Variants in KIRREL3 observed in about 807,000 individuals in gnomAD.
KIRREL3 encodes kirre like nephrin family adhesion molecule 3.
Under a neutral mutation model 89.7 loss-of-function variants are expected in KIRREL3, and 36 were observed. That is an observed-to-expected ratio of 0.40 (90% CI 0.31 to 0.53). The LOEUF is 0.53. Among genes scored for constraint, KIRREL3 ranks in the 20% least tolerant of loss-of-function variants. The pLI, the probability that KIRREL3 is intolerant of heterozygous loss-of-function variation, is 0.49. For synonymous variants in KIRREL3, 445 were observed against 441.4 expected (o/e 1.01, Z -0.10); for missense variants, 864 against 1,056.6 (o/e 0.82, Z 2.53).
In KIRREL3 at chr11:126,766,074, C is replaced by T. The variant is rs1949814599; in HGVS notation, c.56-203162G>A. On this transcript the variant is annotated intron_variant, in intron 1 of 16. Coordinates refer to ENST00000525144, the MANE Select transcript of KIRREL3 (RefSeq NM_032531.4). This position sits in a 1 kb window ranked among gnomAD's most constrained non-coding sequence, Gnocchi z 4.2. ...TTTACTTCCAAATTCCCATAACTCA[C>T]TGCTTTTGCCAGCCCTCCTGGGATG... is the stretch of plus-strand genomic sequence containing the variant. Among the ~76,000 whole-genome samples the T allele has an allele frequency of 6.6e-6, 1 of 151,834 alleles. No individual in the cohort carries two copies. Among genetic ancestry groups the T allele is most frequent in the South Asian group, 2.1e-4 (1 of 4,798 alleles).
At chr11:126,850,240 C>G (rs986643060) in intron 1 of KIRREL3, among the ~76,000 whole-genome samples, 2 of 152,198 alleles carry the variant, frequency 1.3e-5, no homozygotes, top group African/African-American at 4.8e-5. Context: ...ACCATGACCA[C>G]CCTATCAGAT....
intron 1 of KIRREL3, among the ~76,000 whole-genome samples, chr11:126,577,004 A>G (rs188498760): frequency 3.9e-5 from 6 of 152,318 alleles, no homozygotes; most frequent in Non-Finnish European, 7.3e-5. Context: ...AAGGGCTCCC[A>G]TAACTGAAGA....
rs1164945181 is a variant in KIRREL3 at position 126,977,017 on chromosome 11, A to G, written c.55+23438T>C. On this transcript the variant is annotated intron_variant, in intron 1 of 16. Coordinates refer to ENST00000525144, the MANE Select transcript of KIRREL3 (RefSeq NM_032531.4). This position sits in a 1 kb window ranked among gnomAD's most constrained non-coding sequence, Gnocchi z 4.7. ...AGAGAGTTAAGAAGAAGTTCTCTGT[A>G]ACTGATAAACATCATGCTGCATTTC... is the stretch of plus-strand genomic sequence containing the variant. Among the ~76,000 whole-genome samples the G allele has an allele frequency of 2.0e-5, 3 of 152,230 alleles. No individual in the cohort carries two copies. Among genetic ancestry groups the G allele is most frequent in the Admixed American group, 6.5e-5 (1 of 15,288 alleles).
intron 1 of KIRREL3, among the ~76,000 whole-genome samples, chr11:126,784,588 A>G (rs116442911): frequency 0.035 from 5,360 of 151,284 alleles, 262 homozygotes; most frequent in African/African-American, 0.12. Context: ...CTCTATCACC[A>G]TTTTACTTAG....
At position 126,981,474 on chromosome 11, in the gene KIRREL3, G is replaced by A. The variant is rs904946841; in HGVS notation, c.55+18981C>T. 6.6e-6 allele frequency among the ~76,000 whole-genome samples: 1 copy of A among 152,218 alleles called. No homozygotes were observed. The highest frequency in any genetic ancestry group is 1.5e-5 in the Non-Finnish European group (1 of 68,032). On this transcript the variant is annotated intron_variant, in intron 1 of 16. Coordinates refer to ENST00000525144, the MANE Select transcript of KIRREL3 (RefSeq NM_032531.4). The surrounding 1 kb of genome is among the most constrained non-coding windows in gnomAD (Gnocchi z 4.2). Reference sequence around the variant, plus strand: ...AGCTTAGGATTCCAGGCAGAAGACAGTCCAGTACCTTCCTAAGTCACTAAG... The same window carrying A: ...AGCTTAGGATTCCAGGCAGAAGACAATCCAGTACCTTCCTAAGTCACTAAG...
In KIRREL3 at chr11:126,544,110, AAG is replaced by A. The variant is rs1938594387; in HGVS notation, c.134-17425_134-17424del. 1 of 152,174 alleles carries A rather than the reference AAG, an allele frequency of 6.6e-6. No individual in the cohort carries two copies. Among genetic ancestry groups the A allele is most frequent in the Non-Finnish European group, 1.5e-5 (1 of 68,054 alleles). The allele number at this position is 152,174 out of a possible 1,614,324, so 9.4% of individuals were successfully genotyped here. A position where few individuals can be genotyped will look rare whatever the true frequency, so the allele number is the denominator to read the frequency against. On this transcript the variant is annotated intron_variant, in intron 2 of 16. Transcript: ENST00000525144. This position sits in a 1 kb window ranked among gnomAD's most constrained non-coding sequence, Gnocchi z 5.6. ...TGGAGGTGGCGACAGCTCCTCTAAT[AAG>A]AGAGTTACTCATGGCTTCACTGGAG...
Position 126,921,510 on chromosome 11 carries a change from AATCT to A in KIRREL3, c.55+78941_55+78944del, listed in dbSNP as rs753124952. Among the ~76,000 whole-genome samples, 223 of 148,076 alleles carry A rather than the reference AATCT, an allele frequency of 1.5e-3. 2 individuals are homozygous for A. The highest frequency in any genetic ancestry group is 2.6e-3 in the Non-Finnish European group (173 of 66,960). ...GTGTTCCTATCTATTATCTATCTGT[AATCT>A]ATCTATCTGTCTGTCTGTCTTTCTT... On this transcript the variant is annotated intron_variant, in intron 1 of 16. Coordinates refer to ENST00000525144, the MANE Select transcript of KIRREL3 (RefSeq NM_032531.4).
upstream of KIRREL3, among the ~76,000 whole-genome samples, chr11:127,002,582 C>T (rs776971948): frequency 5.3e-5 from 8 of 152,144 alleles, no homozygotes; most frequent in Non-Finnish European, 7.4e-5. Context: ...CTATGTATAG[C>T]GCCGTCACCT....
At chr11:126,934,361 A>G (rs571377354) in intron 1 of KIRREL3, among the ~76,000 whole-genome samples, 1 of 152,344 alleles carries the variant, frequency 6.6e-6, no homozygotes, top group Non-Finnish European at 1.5e-5. Flanking sequence ...CAAAAATTTT[A>G]AAAGAAAATA....
At chr11:126,806,259 A>G (rs1394617453) in intron 1 of KIRREL3, among the ~76,000 whole-genome samples, 2 of 152,196 alleles carry the variant, frequency 1.3e-5, no homozygotes, top group African/African-American at 4.8e-5. Context: ...CACAACAACA[A>G]TATGACTACT....
rs535917272 is a variant in KIRREL3, at chr11:126,500,636, A to T, written c.433+20679T>A. 4.0e-5 allele frequency among the ~76,000 whole-genome samples: 6 copies of T among 151,406 alleles called. No homozygotes were observed. In the South Asian group the frequency reaches 1.3e-3, roughly 32 times the overall value. On this transcript the variant is annotated intron_variant, in intron 4 of 16. Transcript: ENST00000525144. Reference sequence around the variant, plus strand: ...GCACCTGTAATCCCAGCTACTTGGGAGGCTGAGGTAAGATAATTGCTTGAA... The same window carrying T: ...GCACCTGTAATCCCAGCTACTTGGGTGGCTGAGGTAAGATAATTGCTTGAA...
chr11:126,813,464 A>T (rs10736555), intron 1 of KIRREL3, among the ~76,000 whole-genome samples: 5 of 152,038 alleles, frequency 3.3e-5, no homozygotes, highest in South Asian at 4.2e-4. Flanking sequence ...TTGGTTAAAA[A>T]GTTATAAATA....
rs1423340355 is a variant in KIRREL3, at chr11:126,877,927, G to T, written c.55+122528C>A. Among the ~76,000 whole-genome samples the T allele has an allele frequency of 6.6e-6, 1 of 152,176 alleles. No individual in the cohort carries two copies. Among genetic ancestry groups the T allele is most frequent in the South Asian group, 2.1e-4 (1 of 4,826 alleles). On this transcript the variant is annotated intron_variant, in intron 1 of 16. Coordinates refer to ENST00000525144, the MANE Select transcript of KIRREL3 (RefSeq NM_032531.4). This position sits in a 1 kb window ranked among gnomAD's most constrained non-coding sequence, Gnocchi z 4.9. ...GTGTTAAGGCTGGAACTCCCCCCTA[G>T]AGACATAGTCCAAGCTTCTCACTTC...
intron 1 of KIRREL3, among the ~76,000 whole-genome samples, chr11:126,880,929 T>G (rs1383037278): frequency 6.6e-6 from 1 of 152,240 alleles, no homozygotes; most frequent in Non-Finnish European, 1.5e-5. Context: ...GATGAAGCAC[T>G]GAAGTGATGA....
At chr11:126,712,117 C>A (rs950181587) in intron 1 of KIRREL3, among the ~76,000 whole-genome samples, 8 of 152,206 alleles carry the variant, frequency 5.3e-5, no homozygotes, top group Non-Finnish European at 1.2e-4. Flanking sequence ...CAAAACAGCG[C>A]GCAGCGACTT....
At chr11:126,922,908 T>C (rs1376333108) in intron 1 of KIRREL3, among the ~76,000 whole-genome samples, 1 of 152,188 alleles carries the variant, frequency 6.6e-6, no homozygotes, top group African/African-American at 2.4e-5. Flanking sequence ...CCCAGATGGT[T>C]CTTGCCGAGG....
chr11:126,919,413 G>C (rs560354763), intron 1 of KIRREL3, among the ~76,000 whole-genome samples: 4 of 152,326 alleles, frequency 2.6e-5, no homozygotes, highest in African/African-American at 7.2e-5. Context: ...CCAAGGGCAA[G>C]TTTACGGATC....
At chr11:126,824,221 C>A (rs1240919616) in intron 1 of KIRREL3, among the ~76,000 whole-genome samples, 1 of 152,138 alleles carries the variant, frequency 6.6e-6, no homozygotes, top group Non-Finnish European at 1.5e-5. Flanking sequence ...AGGAGGGAGA[C>A]AAACAAGCAT....
rs1370097289 is a variant in KIRREL3, at chr11:126,870,516, A to T, written c.55+129939T>A. Among the ~76,000 whole-genome samples the T allele has an allele frequency of 6.6e-6, 1 of 152,186 alleles. No individual in the cohort carries two copies. Among genetic ancestry groups the T allele is most frequent in the Non-Finnish European group, 1.5e-5 (1 of 68,030 alleles). ...AAAGGCAGGTCCTTGCAAGAGGTAA[A>T]AGGCTCAGTAGAATGCAGCTTCCTG... On this transcript the variant is annotated intron_variant, in intron 1 of 16. Transcript: ENST00000525144. The surrounding 1 kb of genome is among the most constrained non-coding windows in gnomAD (Gnocchi z 4.4).
Sources: gnomAD v4.1 joint callset for allele counts (sites outside exome capture counted in the v4.1 genomes callset) on GRCh38, gnomAD v4.1.1 for gene constraint, Gnocchi (gnomAD v3.1) non-coding constraint, MANE v1.5 for transcripts, NCBI Gene and HGNC (gene_info 2026-07-23, HGNC 2026-07-21) for gene names.